Variants in KTN1 observed in about 807,000 individuals in gnomAD.
KTN1 encodes kinectin.
Under a neutral mutation model 222.5 loss-of-function variants are expected in KTN1, and 130 were observed. The observed-to-expected ratio is 0.58, with a 90% CI of 0.51 to 0.68. The LOEUF is 0.68. KTN1 is among the 30% of genes least tolerant of loss of function. The pLI is 0.00. For missense variants in KTN1, 1,508 were observed against 1,500.4 expected (o/e 1.01, Z -0.08); for synonymous variants, 512 against 496.3 (o/e 1.03, Z -0.42).
At chr14:55,599,695 T>C (rs1415756448) in intron 1 of KTN1, among the ~76,000 whole-genome samples, 2 of 152,088 alleles carry the variant, frequency 1.3e-5, no homozygotes, top group Non-Finnish European at 2.9e-5. Flanking sequence ...CAGGTGGTTC[T>C]CGGAACTCCT....
intron 16 of KTN1, 73 bp from the exon 17 acceptor site, chr14:55,641,054 A>G: frequency 6.8e-7 from 1 of 1,468,688 alleles, no homozygotes; most frequent in Non-Finnish European, 9.5e-7. Context: ...CTTATAACTG[A>G]TAGTTGTGCC....
chr14:55,681,041 G>T, intron 43 of KTN1: 3 of 207,778 alleles, frequency 1.4e-5, no homozygotes, highest in East Asian at 1.2e-4. Context: ...ACTTCCTTCA[G>T]GTTACCACCC....
chr14:55,663,744 ATATAC>A, intron 32 of KTN1: 1 of 484,114 alleles, frequency 2.1e-6, no homozygotes, highest in Non-Finnish European at 3.7e-6. Context: ...TATTTGATAT[ATATAC>A]TAAAACATGG....
intron 18 of KTN1, among the ~76,000 whole-genome samples, chr14:55,645,637 C>A (rs530212775): frequency 6.6e-6 from 1 of 152,228 alleles, no homozygotes; most frequent in South Asian, 2.1e-4. Flanking sequence ...ATAGTATAAA[C>A]CTGATTTAAT....
chr14:55,682,688 A>T (rs745576053), intron 43 of KTN1: 1 of 152,182 alleles, frequency 6.6e-6, no homozygotes, highest in African/African-American at 2.4e-5. Flanking sequence ...AAGAGATTCT[A>T]TAACTTGTCC....
chr14:55,659,053 T>A (rs17685053), intron 30 of KTN1, among the ~76,000 whole-genome samples: 15,349 of 152,104 alleles, frequency 0.1, 838 homozygotes, highest in African/African-American at 0.14. Context: ...GCTTGGTAAA[T>A]CAAAAGTGTG....
chr14:55,649,470 G>A (rs1461488776), intron 21 of KTN1, among the ~76,000 whole-genome samples: 3 of 152,172 alleles, frequency 2.0e-5, no homozygotes, highest in African/African-American at 7.2e-5. Context: ...AGTAAAAGAG[G>A]CCGCCTGAAA....
chr14:55,582,268 T>C (rs1351964939), intron 1 of KTN1, among the ~76,000 whole-genome samples: 2 of 152,232 alleles, frequency 1.3e-5, no homozygotes, highest in Non-Finnish European at 2.9e-5. Flanking sequence ...TAGTCTCTTC[T>C]GTTTGATGTT....
rs1315641165 is a variant in KTN1 at position 55,594,124 on chromosome 14, A to G, written c.-31+13770A>G. ...CGTGCAAAAGGTTGGTGCAAAAGTAATATTTCACACTATTACTAAGTATTT... is the reference window on the plus strand; with the variant it reads ...CGTGCAAAAGGTTGGTGCAAAAGTAGTATTTCACACTATTACTAAGTATTT... On this transcript the variant is annotated intron_variant, in intron 1 of 43. Transcript: ENST00000395314. Among the ~76,000 whole-genome samples the G allele has an allele frequency of 3.3e-5, 5 of 152,188 alleles. No individual in the cohort carries two copies. The East Asian group carries it at 5.8e-4, about 18-fold the overall frequency.
chr14:55,636,423 T>C lies in KTN1; in HGVS notation c.1462-26T>C, dbSNP rs373317392. The C allele has an allele frequency of 2.6e-6, 4 of 1,544,490 alleles. No individual in the cohort carries two copies. The African/African-American group carries it at 5.4e-5, about 21-fold the overall frequency. ...GAAATTCTGTGTTTGTGCTAATTTA[T>C]CCTTTCTCCCTTTTAAAATACCAAG... On this transcript the variant is annotated intron_variant, in intron 9 of 43. Coordinates refer to ENST00000395314, the MANE Select transcript of KTN1 (RefSeq NM_001079521.2).
intron 2 of KTN1, among the ~76,000 whole-genome samples, chr14:55,613,511 G>A (rs1254882074): frequency 1.5e-5 from 1 of 66,460 alleles, no homozygotes; most frequent in South Asian, 4.8e-4. Context: ...TTTTTTTTTT[G>A]AGATGGGAGT....
chr14:55,651,135 A>G (rs2042898777), intron 24 of KTN1, among the ~76,000 whole-genome samples: 1 of 152,190 alleles, frequency 6.6e-6, no homozygotes, highest in Non-Finnish European at 1.5e-5. Context: ...GAGATGATTC[A>G]TTCATCTCAT....
Position 55,614,564 on chromosome 14 carries a change from C to T in KTN1, c.524-1953C>T, listed in dbSNP as rs370269100. 6.6e-5 allele frequency among the ~76,000 whole-genome samples: 10 copies of T among 152,204 alleles called. No individual in the cohort carries two copies. In the East Asian group the frequency reaches 7.7e-4, roughly 12 times the overall value. On this transcript the variant is annotated intron_variant, in intron 2 of 43. Coordinates refer to ENST00000395314, the MANE Select transcript of KTN1 (RefSeq NM_001079521.2). ...TTTTTATGCCCATGAACCAAGAACACTTTTTGCATTTTAAATGGTTGGGAA... is the reference window on the plus strand; with the variant it reads ...TTTTTATGCCCATGAACCAAGAACATTTTTTGCATTTTAAATGGTTGGGAA...
intron 9 of KTN1, 76 bp from the exon 10 acceptor site, chr14:55,636,373 C>T (rs2041124819): frequency 8.8e-7 from 1 of 1,131,624 alleles, no homozygotes. Flanking sequence ...GTAGAGGATG[C>T]TTTTTTTCCC....
At chr14:55,623,034 A>G (rs1328817699) in intron 5 of KTN1, among the ~76,000 whole-genome samples, 3 of 151,872 alleles carry the variant, frequency 2.0e-5, no homozygotes, top group African/African-American at 7.3e-5. Context: ...CTCCCTTCCA[A>G]TTTCTTTCTA....
In KTN1 at chr14:55,667,309, G is replaced by A. The variant is rs377429597; in HGVS notation, c.3246G>A (p.Lys1082=). The A allele has an allele frequency of 3.8e-6, 6 of 1,598,124 alleles. No homozygotes were observed. The East Asian group carries it at 9.0e-5, about 24-fold the overall frequency. ...AKEVLKKLFP[K]VSVPSNLSYG... ...AAGTTCTCAAAAAATTATTTCCAAAGGTGTCTGTCCCTTCTAATTTGGTAA... is the reference window on the plus strand; with the variant it reads ...AAGTTCTCAAAAAATTATTTCCAAAAGTGTCTGTCCCTTCTAATTTGGTAA... Residue 1082 remains lysine, a synonymous_variant, in exon 34 of 44, where the codon AAG becomes AAA. Coordinates refer to ENST00000395314, the MANE Select transcript of KTN1 (RefSeq NM_001079521.2).
intron 18 of KTN1, among the ~76,000 whole-genome samples, chr14:55,646,453 CTTTT>C (rs1566787911): frequency 6.5e-5 from 6 of 91,988 alleles, no homozygotes; most frequent in East Asian, 3.2e-4. Flanking sequence ...TTTCCTTTTC[CTTTT>C]CCTTTTCCTT....
At chr14:55,646,334 G>A (rs1343000660) in intron 18 of KTN1, among the ~76,000 whole-genome samples, 1 of 151,798 alleles carries the variant, frequency 6.6e-6, no homozygotes, top group Admixed American at 6.6e-5. Context: ...ACTTGTCTAC[G>A]TAAATGTTAC....
intron 43 of KTN1, chr14:55,680,765 TC>T: frequency 1.6e-6 from 2 of 1,257,386 alleles, no homozygotes; most frequent in East Asian, 4.7e-5. Flanking sequence ...AACATGACTT[TC>T]CATATAATAA....
Sources: gnomAD v4.1 joint callset for allele counts (sites outside exome capture counted in the v4.1 genomes callset) on GRCh38, gnomAD v4.1.1 for gene constraint, MANE v1.5 for transcripts, NCBI Gene and HGNC (gene_info 2026-07-23, HGNC 2026-07-21) for gene names.